SLC36A1: variants seen among roughly 807,000 people sequenced by gnomAD.
The protein encoded by SLC36A1 is proton-coupled amino acid transporter 1.
Under a neutral mutation model 47.5 loss-of-function variants are expected in SLC36A1, and 30 were observed. The observed-to-expected ratio is 0.63, with a 90% CI of 0.47 to 0.86. The LOEUF is 0.86. Among genes scored for constraint, SLC36A1 ranks in the 40% least tolerant of loss-of-function variants. The probability of loss-of-function intolerance (pLI) is 0.00; values close to 1 mark genes in which losing one functional copy is unlikely to be tolerated. For missense variants in SLC36A1, 517 were observed against 606.0 expected (o/e 0.85, Z 1.54); for synonymous variants, 255 against 249.7 (o/e 1.02, Z -0.20).
intron 2 of SLC36A1, among the ~76,000 whole-genome samples, chr5:151,461,106 G>C (rs1755433386): frequency 1.3e-5 from 2 of 150,496 alleles, no homozygotes; most frequent in South Asian, 4.2e-4. Context: ...TCCCACCTTA[G>C]TTTCCTAAGT....
the SLC36A1 span, among the ~76,000 whole-genome samples, chr5:151,431,616 T>C: frequency 5.3e-5 from 8 of 152,190 alleles, no homozygotes; most frequent in Admixed American, 1.3e-4. Flanking sequence ...GCTATTCACG[T>C]GATAGTGAAT....
the SLC36A1 span, chr5:151,507,652 G>A: frequency 2.0e-6 from 3 of 1,533,390 alleles, no homozygotes; most frequent in South Asian, 2.5e-5. Context: ...TCATGAAATT[G>A]CCCTTTCCAT....
chr5:151,366,967 T>C, the SLC36A1 span, among the ~76,000 whole-genome samples: 1 of 152,058 alleles, frequency 6.6e-6, no homozygotes, highest in African/African-American at 2.4e-5. Context: ...AAGGAGTAGG[T>C]ACAAAGATCA....
chr5:151,492,561 A>AT (rs199936234), downstream of SLC36A1, among the ~76,000 whole-genome samples: 39 of 150,168 alleles, frequency 2.6e-4, no homozygotes, highest in Admixed American at 4.0e-4. Context: ...ATGGTTTTTT[A>AT]TTTTTTTTTC....
At chr5:151,539,369 G>A in the SLC36A1 span, among the ~76,000 whole-genome samples, 3 of 152,212 alleles carry the variant, frequency 2.0e-5, no homozygotes, top group Non-Finnish European at 4.4e-5. Context: ...CAAGCAAGTC[G>A]AAGTTTGTAT....
At chr5:151,512,207 T>G in the SLC36A1 span, 3,990 of 1,614,164 alleles carry the variant, frequency 2.5e-3, 91 homozygotes, top group African/African-American at 0.045. This position sits in a 1 kb window ranked among gnomAD's most constrained non-coding sequence, Gnocchi z 4.1. Context: ...TTGAGGCATG[T>G]GTTCTGGCTG....
chr5:151,470,885 G>C (rs985549346), intron 7 of SLC36A1: 4 of 152,184 alleles, frequency 2.6e-5, no homozygotes, highest in Non-Finnish European at 4.4e-5. Context: ...TTCAGCATGT[G>C]GAGTCTCAAA....
upstream of SLC36A1, among the ~76,000 whole-genome samples, chr5:151,444,820 A>T (rs1306272197): frequency 6.6e-6 from 1 of 152,202 alleles, no homozygotes; most frequent in Non-Finnish European, 1.5e-5. Flanking sequence ...AAATTTACTA[A>T]ATTCATGAAT....
the SLC36A1 span, among the ~76,000 whole-genome samples, chr5:151,416,869 G>A: frequency 6.6e-6 from 1 of 152,164 alleles, no homozygotes; most frequent in Non-Finnish European, 1.5e-5. Context: ...AATCACTGGG[G>A]ACATTTCCCC....
the SLC36A1 span, among the ~76,000 whole-genome samples, chr5:151,355,067 A>C: frequency 6.6e-6 from 1 of 152,232 alleles, no homozygotes; most frequent in Admixed American, 6.5e-5. Context: ...AACTGTAACC[A>C]GCAAAAAGTC....
chr5:151,484,197 G>A (rs1194892584), intron 10 of SLC36A1, among the ~76,000 whole-genome samples: 9 of 152,150 alleles, frequency 5.9e-5, no homozygotes, highest in Non-Finnish European at 1.3e-4. Context: ...GTATGGGAGA[G>A]GGTGGGGAGA....
At chr5:151,545,636 C>T in the SLC36A1 span, 2 of 1,614,150 alleles carry the variant, frequency 1.2e-6, no homozygotes, top group South Asian at 1.1e-5. Context: ...GGCATGCTCT[C>T]ATAATCCATC....
rs1307579438 is a variant in SLC36A1, at chr5:151,491,596, A to G, written c.*3342A>G. 6.6e-6 allele frequency: 1 copy of G among 152,604 alleles called. No individual in the cohort carries two copies. The highest frequency in any genetic ancestry group is 1.5e-5 in the Non-Finnish European group (1 of 68,034). The allele number at this position is 152,604 out of a possible 1,614,324, so 9.5% of individuals were successfully genotyped here. On this transcript the variant is annotated 3_prime_UTR_variant, in exon 11 of 11. Transcript: ENST00000243389. ...TTCACCTCGTATTTTTTGGAAGTGC[A>G]AAAATCTCAATTTGTGTCTGTTTAC...
the SLC36A1 span, chr5:151,505,343 C>T: frequency 5.0e-6 from 3 of 602,306 alleles, no homozygotes; most frequent in African/African-American, 5.6e-5. Flanking sequence ...ATGCCCCTCT[C>T]CTGGGACCCT....
intron 7 of SLC36A1, among the ~76,000 whole-genome samples, chr5:151,468,264 AAAATAT>A (rs1295899007): frequency 2.5e-5 from 2 of 78,702 alleles, no homozygotes; most frequent in African/African-American, 1.6e-4. Flanking sequence ...AAAAAAAAAA[AAAATAT>A]ATATATATAT....
chr5:151,523,972 C>T, the SLC36A1 span, among the ~76,000 whole-genome samples: 4 of 152,176 alleles, frequency 2.6e-5, no homozygotes, highest in Non-Finnish European at 4.4e-5. Context: ...TGCACATCCA[C>T]TCCACCAACT....
chr5:151,479,360 T>G lies in SLC36A1; in HGVS notation c.1030T>G (p.Phe344Val), dbSNP rs777210168. The change falls in exon 10 of 11, where the codon TTT (phenylalanine) becomes GTT (valine). Residue 344 changes from phenylalanine (F) to valine (V), a missense_variant. Transcript: ENST00000243389. ...SVKLLYSIGI[F>V]FTYALQFYVP... ...TAAGCTGCTGTACTCCATCGGGATC[T>G]TTTTCACCTACGCACTCCAGTTCTA... 2 of 1,614,052 alleles carry G rather than the reference T, an allele frequency of 1.2e-6. No individual in the cohort carries two copies. Among genetic ancestry groups the G allele is most frequent in the Admixed American group, 3.3e-5 (2 of 60,022 alleles).
intron 5 of SLC36A1, among the ~76,000 whole-genome samples, chr5:151,465,549 A>T (rs1756225872): frequency 6.6e-6 from 1 of 152,220 alleles, no homozygotes; most frequent in Non-Finnish European, 1.5e-5. Context: ...GAAGTAAATT[A>T]TGTGGTTCCT....
At chr5:151,399,084 A>ATATATATATATATATTT in the SLC36A1 span, among the ~76,000 whole-genome samples, 89 of 60,022 alleles carry the variant, frequency 1.5e-3, no homozygotes, top group African/African-American at 2.0e-3. Context: ...ATATATATAT[A>ATATATATATATATATTT]TTTTTTTTTT....
Sources: allele counts gnomAD v4.1 joint callset (sites outside exome capture counted in the v4.1 genomes callset), GRCh38; gene constraint gnomAD v4.1.1; non-coding constraint Gnocchi (gnomAD v3.1); transcripts MANE v1.5; gene names NCBI Gene and HGNC (gene_info 2026-07-23, HGNC 2026-07-21).